Variants in ATP2A3 observed in about 807,000 individuals in gnomAD.
The protein encoded by ATP2A3 is sarcoplasmic/endoplasmic reticulum calcium ATPase 3.
In ATP2A3, 61 loss-of-function variants were observed where a neutral mutation model predicts 106.8. That is an observed-to-expected ratio of 0.57 (90% CI 0.46 to 0.71). The LOEUF (loss-of-function observed/expected upper bound fraction) is 0.71. Among genes scored for constraint, ATP2A3 ranks in the 30% least tolerant of loss-of-function variants. ATP2A3 has a pLI of 0.00. For synonymous variants in ATP2A3, 611 were observed against 609.3 expected (o/e 1.00, Z -0.04); for missense variants, 1,201 against 1,423.5 (o/e 0.84, Z 2.52).
Position 3,928,417 on chromosome 17 carries a change from T to C in ATP2A3, c.2980+246A>G, listed in dbSNP as rs1479521335. The C allele has an allele frequency of 4.7e-5, 61 of 1,311,010 alleles. 1 individual carries two copies. The South Asian group carries it at 6.3e-4, about 14-fold the overall frequency. 81.2% of individuals were successfully genotyped at this position (1,311,010 alleles called of 1,614,324 possible). A position where few individuals can be genotyped will look rare whatever the true frequency, so the allele number is the denominator to read the frequency against. ...GTGGCAGGTGAAGACAGTGAGGCAG[T>C]GTGGCCCAAGAGGTGCTCCCGTTGC... On this transcript the variant is annotated intron_variant, in intron 20 of 20. Transcript: ENST00000397041. This position sits in a 1 kb window ranked among gnomAD's most constrained non-coding sequence, Gnocchi z 6.1.
chr17:3,940,043 G>GTTTTTTTTTTTTTTTTTTTTTT (rs1294599615), intron 14 of ATP2A3, among the ~76,000 whole-genome samples: 1 of 87,616 alleles, frequency 1.1e-5, no homozygotes, highest in Non-Finnish European at 2.1e-5. Flanking sequence ...TTTTTTTTTT[G>GTTTTTTTTTTTTTTTTTTTTTT]TTTTTTGTTT....
intron 17 of ATP2A3, among the ~76,000 whole-genome samples, chr17:3,931,799 G>A (rs1160621234): frequency 6.6e-6 from 1 of 152,208 alleles, no homozygotes; most frequent in Non-Finnish European, 1.5e-5. Flanking sequence ...GGGATTACAG[G>A]CGTGAGCCAC....
chr17:3,951,282 G>A lies in ATP2A3; in HGVS notation c.432C>T (p.Asp144=), dbSNP rs371103959. The A allele has an allele frequency of 3.1e-6, 5 of 1,613,526 alleles. No individual in the cohort carries two copies. The African/African-American group carries it at 6.7e-5, about 22-fold the overall frequency. The change falls in exon 5 of 21, where the codon GAC becomes GAT. Residue 144 remains aspartate, a synonymous_variant. Transcript: ENST00000397041. The part of the protein sequence containing the change: ...RKGVQRIRAR[D]IVPGDIVEVA... ...CTTCTACAATGTCCCCTGGGACGAT[G>A]TCCCGGGCACGGATCCTCTGCACGC...
chr17:3,962,915 T>G lies in ATP2A3; in HGVS notation c.118+1259A>C, dbSNP rs557009795. 2.0e-5 allele frequency among the ~76,000 whole-genome samples: 3 copies of G among 152,292 alleles called. No homozygotes were observed. The South Asian group carries it at 6.2e-4, about 32-fold the overall frequency. On this transcript the variant is annotated intron_variant, in intron 1 of 20. Coordinates refer to ENST00000397041, the MANE Select transcript of ATP2A3 (RefSeq NM_005173.4). ...CCACCCCAGGGTCAGAGGCAGCCCA[T>G]GCTGCCCAGCTCTCCTGCAGCAAAG...
At position 3,947,360 on chromosome 17, in the gene ATP2A3, G is replaced by A. The variant is rs768810608; in HGVS notation, c.1095+31C>T. On this transcript the variant is annotated intron_variant, in intron 8 of 20. Transcript: ENST00000397041. This position sits in a 1 kb window ranked among gnomAD's most constrained non-coding sequence, Gnocchi z 7.7. ...GAGGGAGCCCAGCCTGCTCTGCAAC[G>A]CACAGCAACACCAAGCTGGCCGTCA... 7.4e-6 allele frequency: 12 copies of A among 1,612,454 alleles called. No individual in the cohort carries two copies. The highest frequency in any genetic ancestry group is 2.2e-5 in the South Asian group (2 of 91,058).
chr17:3,924,793 G>A lies in ATP2A3; in HGVS notation c.*629C>T, dbSNP rs1800914. On this transcript the variant is annotated 3_prime_UTR_variant, in exon 21 of 21. Coordinates refer to ENST00000397041, the MANE Select transcript of ATP2A3 (RefSeq NM_005173.4). The surrounding 1 kb of genome is among the most constrained non-coding windows in gnomAD (Gnocchi z 6.4). ...TGTCCGTCTCTCTGACCCTTCACCC[G>A]CCCGGGCCCTGCACATATAAACAGA... 3.1e-5 allele frequency: 14 copies of A among 456,428 alleles called. No individual in the cohort carries two copies. The highest frequency in any genetic ancestry group is 1.7e-4 in the South Asian group (11 of 64,568). 28.3% of individuals were successfully genotyped at this position (456,428 alleles called of 1,614,324 possible).
chr17:3,932,907 A>T (rs912843228), intron 17 of ATP2A3, among the ~76,000 whole-genome samples: 9 of 151,834 alleles, frequency 5.9e-5, no homozygotes, highest in Non-Finnish European at 8.8e-5. Flanking sequence ...AAACATAGGG[A>T]CACACACCTC....
chr17:3,944,187 G>C (rs995674191), intron 10 of ATP2A3, among the ~76,000 whole-genome samples: 2 of 152,194 alleles, frequency 1.3e-5, no homozygotes, highest in Non-Finnish European at 2.9e-5. Context: ...GGAAGCCTCA[G>C]TGATCTTCTG....
At chr17:3,940,898 G>A in intron 14 of ATP2A3, 73 bp downstream of exon 14, 1 of 1,520,428 alleles carries the variant, frequency 6.6e-7, no homozygotes, top group Non-Finnish European at 9.1e-7. Flanking sequence ...GGGGAGAGTT[G>A]CACGGCTTGC....
chr17:3,940,832 T>G, intron 14 of ATP2A3, 139 bp downstream of exon 14: 1 of 1,122,530 alleles, frequency 8.9e-7, no homozygotes, highest in Non-Finnish European at 1.3e-6. Flanking sequence ...TTAAATTTCT[T>G]TTTGTATTTG....
rs764931558 is a variant in ATP2A3, at chr17:3,928,642, G to T, written c.2980+21C>A. Reference sequence around the variant, plus strand: ...GCGGGCGGGGAGGCAGGCTGGAGGCGGGACGGGGCCTCCCACTCACCGTGC... The same window carrying T: ...GCGGGCGGGGAGGCAGGCTGGAGGCTGGACGGGGCCTCCCACTCACCGTGC... On this transcript the variant is annotated intron_variant, in intron 20 of 20. Coordinates refer to ENST00000397041, the MANE Select transcript of ATP2A3 (RefSeq NM_005173.4). The surrounding 1 kb of genome is among the most constrained non-coding windows in gnomAD (Gnocchi z 6.1). The T allele has an allele frequency of 2.0e-6, 3 of 1,537,656 alleles. No homozygotes were observed. The South Asian group carries it at 3.6e-5, about 18-fold the overall frequency.
chr17:3,941,120 T>C lies in ATP2A3; in HGVS notation c.1951A>G (p.Lys651Glu). The stretch of plus-strand genomic sequence containing the variant: ...TCAAACTCGCGGCCCGTGTAGGCCT[T>C]GCCCGCCACGTCTTCCGTGTCCCCA... ...IFGDTEDVAGKAYTGREFDDL... is the reference protein window; with the variant it reads ...IFGDTEDVAGEAYTGREFDDL... The change falls in exon 14 of 21, where the codon AAG becomes GAG. Residue 651 changes from lysine to glutamate, a missense_variant. Lys to Glu is a moderately conservative substitution (Grantham distance 56). This residue lies in a region of ATP2A3 where 935 missense variants were observed against 1,176.7 expected (regional missense o/e 0.79). Transcript: ENST00000397041. 6.2e-7 allele frequency: 1 copy of C among 1,614,050 alleles called. No individual in the cohort carries two copies. The highest frequency in any genetic ancestry group is 8.5e-7 in the Non-Finnish European group (1 of 1,179,962).
At chr17:3,939,249 C>G (rs2053608046) in intron 14 of ATP2A3, among the ~76,000 whole-genome samples, 1 of 152,092 alleles carries the variant, frequency 6.6e-6, no homozygotes, top group African/African-American at 2.4e-5. Flanking sequence ...AAGATAAGAT[C>G]AAGAACCAGG....
chr17:3,934,865 A>C (rs2053337843), intron 17 of ATP2A3: 1 of 341,062 alleles, frequency 2.9e-6, no homozygotes, highest in South Asian at 2.8e-5. Flanking sequence ...CCTCTGCCTA[A>C]AGTCCCACCA....
Position 3,929,515 on chromosome 17 carries a change from G to C in ATP2A3, c.2745-70C>G. 1.5e-6 allele frequency: 2 copies of C among 1,327,502 alleles called. No homozygotes were observed. Among genetic ancestry groups the C allele is most frequent in the Non-Finnish European group, 2.1e-6 (2 of 949,708 alleles). The allele number at this position is 1,327,502 out of a possible 1,614,324, so 82.2% of individuals were successfully genotyped here. Reference sequence around the variant, plus strand: ...GCCCTGCCAGGCACCCACCCCCATGGGAGGAGCCTCACCACTTCTCTAGCG... The same window carrying C: ...GCCCTGCCAGGCACCCACCCCCATGCGAGGAGCCTCACCACTTCTCTAGCG... On this transcript the variant is annotated intron_variant, in intron 18 of 20. Transcript: ENST00000397041. This position sits in a 1 kb window ranked among gnomAD's most constrained non-coding sequence, Gnocchi z 4.3.
Position 3,947,496 on chromosome 17 carries a change from G to A in ATP2A3, c.990C>T (p.Asn330=), listed in dbSNP as rs145919284. 14 of 1,613,584 alleles carry A rather than the reference G, an allele frequency of 8.7e-6. No homozygotes were observed. Among genetic ancestry groups the A allele is most frequent in the East Asian group, 2.2e-5 (1 of 44,886 alleles). The part of the protein sequence containing the change: ...ALGTRRMARK[N]AIVRSLPSVE... The stretch of plus-strand genomic sequence containing the variant: ...CGGACGGCAGGCTTCGCACGATGGC[G>A]TTCTTGCGTGCCATGCGCCGCGTGC... The change falls in exon 8 of 21, where the codon AAC becomes AAT. Residue 330 remains asparagine (N), a synonymous_variant. Coordinates refer to ENST00000397041, the MANE Select transcript of ATP2A3 (RefSeq NM_005173.4). This position sits in a 1 kb window ranked among gnomAD's most constrained non-coding sequence, Gnocchi z 7.7.
chr17:3,927,879 A>G, intron 20 of ATP2A3: 3 of 1,578,286 alleles, frequency 1.9e-6, no homozygotes, highest in Non-Finnish European at 2.6e-6. Flanking sequence ...CAGCTGCCCC[A>G]GTGCAGGCCT....
intron 1 of ATP2A3, among the ~76,000 whole-genome samples, chr17:3,958,864 A>ATG: frequency 8.5e-6 from 1 of 117,986 alleles, no homozygotes; most frequent in African/African-American, 4.0e-5. Context: ...ATATATATAT[A>ATG]TATATACACA....
intron 7 of ATP2A3, among the ~76,000 whole-genome samples, chr17:3,948,395 A>G (rs2054237469): frequency 2.0e-5 from 3 of 152,080 alleles, no homozygotes; most frequent in Admixed American, 2.0e-4. Flanking sequence ...CAGGCCCAAG[A>G]TAGTTTTTCT....
Sources: gnomAD v4.1 joint callset for allele counts (sites outside exome capture counted in the v4.1 genomes callset) on GRCh38, gnomAD v4.1.1 for gene constraint, gnomAD v4.1.1 regional missense constraint, Gnocchi (gnomAD v3.1) non-coding constraint, MANE v1.5 for transcripts, NCBI Gene and HGNC (gene_info 2026-07-23, HGNC 2026-07-21) for gene names.